FAM3B: variants seen among roughly 807,000 people sequenced by gnomAD.
The protein encoded by FAM3B is protein FAM3B.
A neutral mutation model predicts 28.4 loss-of-function variants in FAM3B; 29 were observed. The ratio of observed to expected loss-of-function variants is 1.02; its 90% confidence interval spans 0.76 to 1.39. The LOEUF (loss-of-function observed/expected upper bound fraction) is 1.39. FAM3B is among the 40% of genes most tolerant of loss of function. The pLI, the probability that FAM3B is intolerant of heterozygous loss-of-function variation, is 0.00. For synonymous variants in FAM3B, 91 were observed against 103.0 expected, an observed-to-expected ratio of 0.88 and a Z score of 0.71; for missense variants, 266 against 293.9, an observed-to-expected ratio of 0.91 and a Z score of 0.69.
chr21:41,322,554 TCA>T (rs1398923585), intron 1 of FAM3B: 1 of 714,534 alleles, frequency 1.4e-6, no homozygotes, highest in Non-Finnish European at 2.6e-6. Context: ...CAGTTGTGTC[TCA>T]CAAAGGGAAT....
intron 1 of FAM3B, chr21:41,304,394 C>T (rs1002145325): frequency 4.7e-6 from 2 of 430,032 alleles, no homozygotes; most frequent in Non-Finnish European, 9.3e-6. Flanking sequence ...CCTGAGCAGC[C>T]CGAGGGAGTC....
At chr21:41,315,182 T>C (rs1299797247), upstream of FAM3B, among the ~76,000 whole-genome samples, 1 of 152,038 alleles carries the variant, frequency 6.6e-6, no homozygotes, top group Non-Finnish European at 1.5e-5. Context: ...AATAAACCAG[T>C]CACAAAAAGA....
intron 2 of FAM3B, among the ~76,000 whole-genome samples, chr21:41,330,815 A>T (rs2088899860): frequency 6.6e-6 from 1 of 152,198 alleles, no homozygotes; most frequent in South Asian, 2.1e-4. Context: ...GCACTCTGTT[A>T]TACCACATTT....
At chr21:41,353,755 G>A (rs2089141263) in intron 7 of FAM3B, among the ~76,000 whole-genome samples, 1 of 152,156 alleles carries the variant, frequency 6.6e-6, no homozygotes, top group Admixed American at 6.5e-5. Context: ...TTAAGCAATG[G>A]TTTCTTAGAT....
chr21:41,348,447 C>A, intron 6 of FAM3B, 145 bp from the exon 7 acceptor site: 1 of 805,066 alleles, frequency 1.2e-6, no homozygotes. Flanking sequence ...TCTTAGCTGC[C>A]ACTGTGTGTC....
intron 1 of FAM3B, among the ~76,000 whole-genome samples, chr21:41,309,971 T>C (rs951966985): frequency 2.0e-5 from 3 of 152,166 alleles, no homozygotes; most frequent in South Asian, 2.1e-4. Context: ...GACTCAGAAA[T>C]TTTTATGTAG....
At chr21:41,345,815 A>G in intron 5 of FAM3B, 79 bp downstream of exon 5, 1 of 954,660 alleles carries the variant, frequency 1.0e-6, no homozygotes, top group South Asian at 1.4e-5. Flanking sequence ...GAAAAATGTC[A>G]ACCATTTTTA....
At chr21:41,328,937 C>T (rs1385749387) in intron 2 of FAM3B, among the ~76,000 whole-genome samples, 4 of 152,228 alleles carry the variant, frequency 2.6e-5, no homozygotes, top group Non-Finnish European at 5.9e-5. Flanking sequence ...TGTCGCAGCA[C>T]TTCTGTGTGC....
chr21:41,323,892 T>C, intron 2 of FAM3B, among the ~76,000 whole-genome samples: 1 of 152,156 alleles, frequency 6.6e-6, no homozygotes, highest in East Asian at 1.9e-4. Context: ...GAGAACACCA[T>C]AGACTGGGGG....
chr21:41,337,437 A>G (rs1444165987), intron 2 of FAM3B, among the ~76,000 whole-genome samples: 1 of 152,196 alleles, frequency 6.6e-6, no homozygotes, highest in Admixed American at 6.5e-5. Context: ...CTCGCATTCC[A>G]GCCTCAGGTC....
At chr21:41,308,535 C>CTTTTT (rs562737882) in intron 1 of FAM3B, among the ~76,000 whole-genome samples, 246 of 119,374 alleles carry the variant, frequency 2.1e-3, no homozygotes, top group Non-Finnish European at 3.1e-3. Flanking sequence ...TTTTTCTTTT[C>CTTTTT]TTTTTTTTTT....
At chr21:41,321,123 C>A (rs1461240195) in intron 1 of FAM3B, 1 of 152,246 alleles carries the variant, frequency 6.6e-6, no homozygotes, top group African/African-American at 2.4e-5. Context: ...TTGGATGAAA[C>A]AGTCCAGCTA....
At position 41,357,396 on chromosome 21, in the gene FAM3B, A is replaced by G. The variant is rs2089176741; in HGVS notation, c.*199A>G. ...AGTATTTTATGTAGTGAAGATGTCA[A>G]TTAGCAGGAAACTAAAATGAATGGA... On this transcript the variant is annotated 3_prime_UTR_variant, in exon 8 of 8. Coordinates refer to ENST00000357985, the MANE Select transcript of FAM3B (RefSeq NM_058186.4). 2.4e-6 allele frequency: 1 copy of G among 413,550 alleles called. No homozygotes were observed. The highest frequency in any genetic ancestry group is 4.4e-5 in the East Asian group (1 of 22,982). 25.6% of individuals were successfully genotyped at this position (413,550 alleles called of 1,614,324 possible).
chr21:41,317,254 C>G (rs2088758242), intron 1 of FAM3B, among the ~76,000 whole-genome samples: 1 of 149,838 alleles, frequency 6.7e-6, no homozygotes, highest in South Asian at 2.1e-4. Context: ...CCCCGCACCC[C>G]CACCCCCCAC....
At chr21:41,354,112 G>T (rs993567128) in intron 7 of FAM3B, among the ~76,000 whole-genome samples, 1 of 152,154 alleles carries the variant, frequency 6.6e-6, no homozygotes, top group Non-Finnish European at 1.5e-5. Context: ...AGTCAGAATG[G>T]CTATTATTAA....
intron 3 of FAM3B, among the ~76,000 whole-genome samples, chr21:41,341,031 T>C (rs536092682): frequency 2.6e-4 from 39 of 152,348 alleles, no homozygotes; most frequent in Admixed American, 4.6e-4. Flanking sequence ...TATGTGTATA[T>C]ACACATTATA....
At chr21:41,332,907 A>G (rs917560613) in intron 2 of FAM3B, among the ~76,000 whole-genome samples, 2 of 150,306 alleles carry the variant, frequency 1.3e-5, no homozygotes, top group African/African-American at 2.4e-5. Context: ...GGCCTTTTCT[A>G]TTGTTTTTCT....
intron 7 of FAM3B, among the ~76,000 whole-genome samples, chr21:41,350,432 T>C (rs975883864): frequency 6.6e-6 from 1 of 152,174 alleles, no homozygotes; most frequent in Admixed American, 6.5e-5. Context: ...AGATAGTTCC[T>C]GCCACAGAAG....
chr21:41,316,904 T>C lies in FAM3B; in HGVS notation c.19+6T>C. On this transcript the variant is annotated splice_donor_region_variant and intron_variant, in intron 1 of 7. Transcript: ENST00000357985. Reference sequence around the variant, plus strand: ...GATGCGCCCATTGGCTGGTGGTGAGTGCGCCCCCGCCTCGGGGCGAGGGTA... The same window carrying C: ...GATGCGCCCATTGGCTGGTGGTGAGCGCGCCCCCGCCTCGGGGCGAGGGTA... The C allele has an allele frequency of 7.3e-7, 1 of 1,362,728 alleles. No homozygotes were observed. Among genetic ancestry groups the C allele is most frequent in the Non-Finnish European group, 9.5e-7 (1 of 1,056,718 alleles). 84.4% of individuals were successfully genotyped at this position (1,362,728 alleles called of 1,614,324 possible). A position where few individuals can be genotyped will look rare whatever the true frequency, so the allele number is the denominator to read the frequency against.
Sources: gnomAD v4.1 joint callset for allele counts (sites outside exome capture counted in the v4.1 genomes callset) on GRCh38, gnomAD v4.1.1 for gene constraint, MANE v1.5 for transcripts, NCBI Gene and HGNC (gene_info 2026-07-23, HGNC 2026-07-21) for gene names.